YPEL3: variants seen among roughly 807,000 people sequenced by gnomAD.
YPEL3 encodes protein yippee-like 3.
In YPEL3, 5 loss-of-function variants were observed where a neutral mutation model predicts 17.5. The observed-to-expected ratio is 0.29, with a 90% CI of 0.15 to 0.60. The LOEUF (loss-of-function observed/expected upper bound fraction) is 0.60, where lower values mean the gene tolerates loss of function less well. YPEL3 is among the 20% of genes least tolerant of loss of function. The probability of loss-of-function intolerance (pLI) is 0.87; values close to 1 mark genes in which losing one functional copy is unlikely to be tolerated. For missense variants in YPEL3, 155 were observed against 211.4 expected (o/e 0.73, Z 1.65); for synonymous variants, 87 against 87.2 (o/e 1.00, Z 0.01).
chr16:30,094,572 C>A, intron 3 of YPEL3: 1 of 597,986 alleles, frequency 1.7e-6, no homozygotes, highest in South Asian at 1.9e-5. Context: ...TCCTAACTCT[C>A]TAATGGGGAT....
rs1409551837 is a variant in YPEL3, at chr16:30,096,011, G to T, written c.-529C>A. On this transcript the variant is annotated 5_prime_UTR_variant, in exon 1 of 4. Coordinates refer to ENST00000398841, the MANE Select transcript of YPEL3 (RefSeq NM_031477.5). ...CGGGGCTCACCTGGGGCGCGGGGGT[G>T]GGGGCGGGCGCCGGGGGAGGGGGCA... 6 of 150,768 alleles carry T rather than the reference G, an allele frequency of 4.0e-5. No homozygotes were observed. The highest frequency in any genetic ancestry group is 8.9e-5 in the Non-Finnish European group (6 of 67,448). The allele number at this position is 150,768 out of a possible 1,614,324, so 9.3% of individuals were successfully genotyped here.
At chr16:30,094,331 A>G in intron 3 of YPEL3, 1 of 158,742 alleles carries the variant, frequency 6.3e-6, no homozygotes, top group Non-Finnish European at 1.4e-5. Context: ...GTTTGGAGTG[A>G]AAAAAAAAAA....
intron 3 of YPEL3, among the ~76,000 whole-genome samples, chr16:30,093,180 C>A (rs1433110353): frequency 1.3e-5 from 2 of 152,304 alleles, no homozygotes; most frequent in East Asian, 1.9e-4. Flanking sequence ...GCCCAGCCTG[C>A]CCCCAACTCC....
At position 30,092,522 on chromosome 16, in the gene YPEL3, G is replaced by T; in HGVS notation, c.*188C>A. ...AAGCCAGCCAGATCGCAGGAGGTGCGGGGGCGTCGTCCCCCTTCTGTTCTC... is the reference window on the plus strand; with the variant it reads ...AAGCCAGCCAGATCGCAGGAGGTGCTGGGGCGTCGTCCCCCTTCTGTTCTC... On this transcript the variant is annotated 3_prime_UTR_variant, in exon 4 of 4. Coordinates refer to ENST00000398841, the MANE Select transcript of YPEL3 (RefSeq NM_031477.5). The T allele has an allele frequency of 1.7e-6, 1 of 573,942 alleles. No homozygotes were observed. Among genetic ancestry groups the T allele is most frequent in the Non-Finnish European group, 3.1e-6 (1 of 325,190 alleles). 35.6% of individuals were successfully genotyped at this position (573,942 alleles called of 1,614,324 possible).
Position 30,092,534 on chromosome 16 carries a change from C to T in YPEL3, c.*176G>A, listed in dbSNP as rs2072742359. 3.4e-6 allele frequency: 2 copies of T among 593,168 alleles called. No homozygotes were observed. The highest frequency in any genetic ancestry group is 4.6e-5 in the South Asian group (2 of 43,424). 36.7% of individuals were successfully genotyped at this position (593,168 alleles called of 1,614,324 possible). A position where few individuals can be genotyped will look rare whatever the true frequency, so the allele number is the denominator to read the frequency against. Reference sequence around the variant, plus strand: ...TCGCAGGAGGTGCGGGGGCGTCGTCCCCCTTCTGTTCTCCCCCCAAGGTCA... The same window carrying T: ...TCGCAGGAGGTGCGGGGGCGTCGTCTCCCTTCTGTTCTCCCCCCAAGGTCA... On this transcript the variant is annotated 3_prime_UTR_variant, in exon 4 of 4. Transcript: ENST00000398841.
At chr16:30,092,938 A>G in intron 3 of YPEL3, 139 bp from the exon 4 acceptor site, 1 of 674,114 alleles carries the variant, frequency 1.5e-6, no homozygotes, top group Non-Finnish European at 2.6e-6. Context: ...ATTTCTCACA[A>G]ACACAGAGTA....
At position 30,092,707 on chromosome 16, in the gene YPEL3, G is replaced by A. The variant is rs750867384; in HGVS notation, c.*3C>T. 2.5e-6 allele frequency: 4 copies of A among 1,613,872 alleles called. No homozygotes were observed. In the African/African-American group the frequency reaches 4.0e-5, roughly 16 times the overall value. On this transcript the variant is annotated 3_prime_UTR_variant, in exon 4 of 4. Transcript: ENST00000398841. The stretch of plus-strand genomic sequence containing the variant: ...GGAGCCACATGCGTCGGGGGAGCGG[G>A]GGTCAGTCCCAGCCGTTGTCTTTGA...
At chr16:30,094,918 C>G in intron 2 of YPEL3, 21 bp from the exon 3 acceptor site, 1 of 1,608,112 alleles carries the variant, frequency 6.2e-7, no homozygotes, top group Non-Finnish European at 8.5e-7. Context: ...ATGGGGTAGT[C>G]CCAGGGAGGG....
intron 3 of YPEL3, 69 bp downstream of exon 3, chr16:30,094,720 A>G: frequency 1.4e-6 from 2 of 1,411,164 alleles, no homozygotes; most frequent in Non-Finnish European, 2.0e-6. Context: ...ATAGGGTGAC[A>G]GCTTGTCAGG....
At chr16:30,093,201 A>G (rs934368292) in intron 3 of YPEL3, among the ~76,000 whole-genome samples, 1 of 152,160 alleles carries the variant, frequency 6.6e-6, no homozygotes, top group Admixed American at 6.5e-5. Context: ...CAACCCTGCC[A>G]ATCTATGCTA....
At position 30,095,089 on chromosome 16, in the gene YPEL3, G is replaced by C. The variant is rs528186488; in HGVS notation, c.275+14C>G. On this transcript the variant is annotated intron_variant, in intron 2 of 3. Coordinates refer to ENST00000398841, the MANE Select transcript of YPEL3 (RefSeq NM_031477.5). The surrounding 1 kb of genome is among the most constrained non-coding windows in gnomAD (Gnocchi z 5.4). The stretch of plus-strand genomic sequence containing the variant: ...AGAGGTCAGGGAAAGCAAGAAGGGA[G>C]GCCAGATACTCACACTGAGTTGAAG... The C allele has an allele frequency of 1.2e-6, 2 of 1,614,072 alleles. No homozygotes were observed.
Position 30,092,813 on chromosome 16 carries a change from C to T in YPEL3, c.385-14G>A, listed in dbSNP as rs763416331. 3 of 1,612,222 alleles carry T rather than the reference C, an allele frequency of 1.9e-6. No individual in the cohort carries two copies. Among genetic ancestry groups the T allele is most frequent in the South Asian group, 1.1e-5 (1 of 91,044 alleles). On this transcript the variant is annotated splice_polypyrimidine_tract_variant and intron_variant, in intron 3 of 3. Transcript: ENST00000398841. ...AAAGGCCTGTTCCTGAAAGGAGGGGCGGGACCGTCATCCCCGGAGCAACAG... is the reference window on the plus strand; with the variant it reads ...AAAGGCCTGTTCCTGAAAGGAGGGGTGGGACCGTCATCCCCGGAGCAACAG...
chr16:30,095,489 C>T lies in YPEL3; in HGVS notation c.-7G>A, dbSNP rs1258301651. 6.7e-7 allele frequency: 1 copy of T among 1,502,002 alleles called. No individual in the cohort carries two copies. Among genetic ancestry groups the T allele is most frequent in the Admixed American group, 2.3e-5 (1 of 43,872 alleles). The allele number at this position is 1,502,002 out of a possible 1,614,324, so 93.0% of individuals were successfully genotyped here. On this transcript the variant is annotated 5_prime_UTR_variant, in exon 1 of 4. Coordinates refer to ENST00000398841, the MANE Select transcript of YPEL3 (RefSeq NM_031477.5). This position sits in a 1 kb window ranked among gnomAD's most constrained non-coding sequence, Gnocchi z 5.4. Reference sequence around the variant, plus strand: ...GGACCTGGGCCACACACATGCGAGGCACTCCCAGAGCCGTGGGGACTCGCT... The same window carrying T: ...GGACCTGGGCCACACACATGCGAGGTACTCCCAGAGCCGTGGGGACTCGCT...
intron 3 of YPEL3, among the ~76,000 whole-genome samples, chr16:30,093,019 G>A (rs542548798): frequency 1.3e-5 from 2 of 152,244 alleles, no homozygotes; most frequent in African/African-American, 4.8e-5. Flanking sequence ...AGATAGGGAA[G>A]TGGCTAAAAG....
In YPEL3 at chr16:30,092,356, C is replaced by A; in HGVS notation, c.*354G>T. 1 of 268,238 alleles carries A rather than the reference C, an allele frequency of 3.7e-6. No individual in the cohort carries two copies. The highest frequency in any genetic ancestry group is 7.3e-6 in the Non-Finnish European group (1 of 137,080). 16.6% of individuals were successfully genotyped at this position (268,238 alleles called of 1,614,324 possible). ...TTTATTATGTACAAACGCTACAGAA[C>A]GAGGGGGACAGACACGCGTGGGGTA... On this transcript the variant is annotated 3_prime_UTR_variant, in exon 4 of 4. Transcript: ENST00000398841.
Position 30,095,716 on chromosome 16 carries a change from T to G in YPEL3, c.-234A>C. 2.0e-6 allele frequency: 1 copy of G among 505,252 alleles called. No homozygotes were observed. Among genetic ancestry groups the G allele is most frequent in the Non-Finnish European group, 3.5e-6 (1 of 286,296 alleles). 31.3% of individuals were successfully genotyped at this position (505,252 alleles called of 1,614,324 possible). ...GCAGCTGAAGCTGGAGGAAGGGGCT[T>G]TGGAGGGGCTGGGCTGTCAGTTCCC... On this transcript the variant is annotated 5_prime_UTR_variant, in exon 1 of 4. Coordinates refer to ENST00000398841, the MANE Select transcript of YPEL3 (RefSeq NM_031477.5). The surrounding 1 kb of genome is among the most constrained non-coding windows in gnomAD (Gnocchi z 5.4).
At position 30,092,652 on chromosome 16, in the gene YPEL3, A is replaced by G. The variant is rs923680488; in HGVS notation, c.*58T>C. On this transcript the variant is annotated 3_prime_UTR_variant, in exon 4 of 4. Transcript: ENST00000398841. ...AGCTCCCTTCGGGTGGCGGGAAGCC[A>G]GTGGCGCTCCCTGGCGGCCAGGCCG... 1.9e-6 allele frequency: 3 copies of G among 1,563,014 alleles called. No individual in the cohort carries two copies. The highest frequency in any genetic ancestry group is 2.7e-5 in the African/African-American group (2 of 74,028).
At position 30,092,647 on chromosome 16, in the gene YPEL3, A is replaced by G; in HGVS notation, c.*63T>C. ...TCCAGAGCTCCCTTCGGGTGGCGGG[A>G]AGCCAGTGGCGCTCCCTGGCGGCCA... On this transcript the variant is annotated 3_prime_UTR_variant, in exon 4 of 4. Coordinates refer to ENST00000398841, the MANE Select transcript of YPEL3 (RefSeq NM_031477.5). The G allele has an allele frequency of 6.6e-7, 1 of 1,520,116 alleles. No homozygotes were observed. Among genetic ancestry groups the G allele is most frequent in the Non-Finnish European group, 9.1e-7 (1 of 1,097,618 alleles). 94.2% of individuals were successfully genotyped at this position (1,520,116 alleles called of 1,614,324 possible).
chr16:30,094,632 C>T (rs1335411455), intron 3 of YPEL3, 157 bp downstream of exon 3: 1 of 726,416 alleles, frequency 1.4e-6, no homozygotes. Context: ...TTCTACACCC[C>T]TTGCAAGGTG....
Sources: allele counts gnomAD v4.1 joint callset (sites outside exome capture counted in the v4.1 genomes callset), GRCh38; gene constraint gnomAD v4.1.1; non-coding constraint Gnocchi (gnomAD v3.1); transcripts MANE v1.5; gene names NCBI Gene and HGNC (gene_info 2026-07-23, HGNC 2026-07-21).